Variants in LCA5 observed in about 807,000 individuals in gnomAD.
LCA5 encodes the protein lebercilin LCA5, also known as lebercilin.
LCA5 carries 37 observed loss-of-function variants against 53.0 expected under a neutral mutation model. That is an observed-to-expected ratio of 0.70 (90% CI 0.54 to 0.92). LCA5 has a LOEUF of 0.92. Ranked by LOEUF, LCA5 falls within the 40% of genes least tolerant of loss-of-function variation. The pLI is 0.00. For synonymous variants in LCA5, 303 were observed against 282.9 expected (o/e 1.07, Z -0.71); for missense variants, 806 against 790.5 (o/e 1.02, Z -0.23).
At chr6:79,514,841 AAC>A (rs994685949) in intron 2 of LCA5, among the ~76,000 whole-genome samples, 20 of 152,014 alleles carry the variant, frequency 1.3e-4, no homozygotes, top group African/African-American at 4.6e-4. Flanking sequence ...AGGGGAACAA[AAC>A]ACACTGGGGC....
intron 1 of LCA5, among the ~76,000 whole-genome samples, chr6:79,536,485 T>C (rs1582662374): frequency 6.6e-6 from 1 of 152,230 alleles, no homozygotes; most frequent in Non-Finnish European, 1.5e-5. Flanking sequence ...CTCTTCACTG[T>C]TAAACACTAT....
At chr6:79,494,283 C>T (rs555167875) in intron 3 of LCA5, among the ~76,000 whole-genome samples, 6 of 151,928 alleles carry the variant, frequency 3.9e-5, no homozygotes, top group African/African-American at 7.3e-5. Context: ...AAATAAGATA[C>T]CAAGACAGAT....
At chr6:79,529,824 T>C (rs144907652) in intron 1 of LCA5, among the ~76,000 whole-genome samples, 5 of 151,750 alleles carry the variant, frequency 3.3e-5, no homozygotes, top group Non-Finnish European at 5.9e-5. Flanking sequence ...TGAAGGTGGA[T>C]ACCATCATTC....
chr6:79,498,903 T>A (rs1489031185), intron 3 of LCA5, among the ~76,000 whole-genome samples: 1 of 152,080 alleles, frequency 6.6e-6, no homozygotes, highest in Non-Finnish European at 1.5e-5. Flanking sequence ...TTGATGAGAT[T>A]TTTTTATAAT....
chr6:79,514,167 AT>A (rs1766356477), intron 2 of LCA5, among the ~76,000 whole-genome samples: 1 of 152,142 alleles, frequency 6.6e-6, no homozygotes, highest in Non-Finnish European at 1.5e-5. Context: ...ATTATTTCAA[AT>A]GTGAAAATGT....
rs757985550 is a variant in LCA5 at position 79,487,675 on chromosome 6, C to A, written c.1423G>T (p.Asp475Tyr). ...EMLLAKLNEI[D>Y]RELQDSRNLK... ...TTTCGAGAATCTTGGAGTTCTCTGT[C>A]AATTTCATTCAGTTTAGCAAGTAGC... is the stretch of plus-strand genomic sequence containing the variant. The change falls in exon 8 of 8, where the codon GAC (aspartate) becomes TAC (tyrosine). Residue 475 changes from aspartate to tyrosine, a missense_variant. Coordinates refer to ENST00000369846, the MANE Select transcript of LCA5 (RefSeq NM_001122769.3). 1 of 1,613,846 alleles carries A rather than the reference C, an allele frequency of 6.2e-7. No individual in the cohort carries two copies. Among genetic ancestry groups the A allele is most frequent in the South Asian group, 1.1e-5 (1 of 91,070 alleles).
chr6:79,485,410 A>G lies in LCA5; in HGVS notation c.*1594T>C, dbSNP rs552096668. 6.5e-6 allele frequency: 1 copy of G among 152,742 alleles called. No individual in the cohort carries two copies. The highest frequency in any genetic ancestry group is 2.1e-4 in the South Asian group (1 of 4,824). 9.5% of individuals were successfully genotyped at this position (152,742 alleles called of 1,614,324 possible). ...CAAATAATATTGTTTTACATATATT[A>G]GAATGATTTGCAACATATTATAGTA... On this transcript the variant is annotated 3_prime_UTR_variant, in exon 8 of 8. Transcript: ENST00000369846.
chr6:79,524,901 T>C (rs1158768964), intron 1 of LCA5, among the ~76,000 whole-genome samples: 1 of 152,068 alleles, frequency 6.6e-6, no homozygotes, highest in Non-Finnish European at 1.5e-5. Flanking sequence ...ATAATTAACC[T>C]TTTTTTCATT....
intron 1 of LCA5, among the ~76,000 whole-genome samples, chr6:79,528,102 T>C (rs1217225808): frequency 6.6e-6 from 1 of 152,152 alleles, no homozygotes; most frequent in South Asian, 2.1e-4. Flanking sequence ...GTGGTTCCAT[T>C]TCCTCTAGGA....
intron 2 of LCA5, among the ~76,000 whole-genome samples, chr6:79,515,163 A>G (rs1766390302): frequency 6.6e-6 from 1 of 152,188 alleles, no homozygotes; most frequent in Non-Finnish European, 1.5e-5. Flanking sequence ...GGACAATTCA[A>G]TCAAACCTTT....
At chr6:79,537,495 C>T (rs1582663968), upstream of LCA5, 2 of 152,414 alleles carry the variant, frequency 1.3e-5, no homozygotes, top group East Asian at 3.9e-4. Flanking sequence ...CTTCTGTCTC[C>T]AGACGGCCCT....
In LCA5 at chr6:79,531,340, G is replaced by A. The variant is rs189932435; in HGVS notation, c.-192+5825C>T. On this transcript the variant is annotated intron_variant, in intron 1 of 7. Coordinates refer to ENST00000369846, the MANE Select transcript of LCA5 (RefSeq NM_001122769.3). ...TACCTCTCAATGTCAAGGATTGTGC[G>A]TCTGCAATTGTGCCCTCTCTACAGG... 1.2e-4 allele frequency among the ~76,000 whole-genome samples: 19 copies of A among 152,160 alleles called. No individual in the cohort carries two copies. The East Asian group carries it at 2.1e-3, about 17-fold the overall frequency.
At chr6:79,508,145 A>G (rs958567481) in intron 3 of LCA5, among the ~76,000 whole-genome samples, 2 of 152,186 alleles carry the variant, frequency 1.3e-5, no homozygotes, top group Non-Finnish European at 2.9e-5. Context: ...TACGGAGCTC[A>G]GGAAGTTTAA....
At chr6:79,516,421 C>T (rs564031051) in intron 2 of LCA5, among the ~76,000 whole-genome samples, 55 of 151,660 alleles carry the variant, frequency 3.6e-4, no homozygotes, top group Non-Finnish European at 6.1e-4. Context: ...AAAATTATAC[C>T]GCTCATAAAA....
At chr6:79,507,115 C>T (rs777103616) in intron 3 of LCA5, among the ~76,000 whole-genome samples, 1 of 152,096 alleles carries the variant, frequency 6.6e-6, no homozygotes, top group Non-Finnish European at 1.5e-5. Context: ...GTGTGAGGCT[C>T]AATTTTCTTC....
intron 3 of LCA5, among the ~76,000 whole-genome samples, chr6:79,509,609 A>G (rs1417508769): frequency 6.6e-6 from 1 of 152,180 alleles, no homozygotes; most frequent in Non-Finnish European, 1.5e-5. Context: ...TTGGGAGTAA[A>G]TTTATAAAAC....
At chr6:79,497,956 C>CAAAAAAA (rs34167121) in intron 3 of LCA5, among the ~76,000 whole-genome samples, 1 of 92,776 alleles carries the variant, frequency 1.1e-5, no homozygotes, top group African/African-American at 3.8e-5. Context: ...GACTCCATCT[C>CAAAAAAA]AAAAAAAAAA....
chr6:79,509,804 T>C (rs1482905924), intron 3 of LCA5, among the ~76,000 whole-genome samples: 1 of 152,138 alleles, frequency 6.6e-6, no homozygotes. Context: ...CTAAAACATA[T>C]ACAGATTTGT....
chr6:79,534,881 C>A (rs1767065003), intron 1 of LCA5, among the ~76,000 whole-genome samples: 1 of 152,138 alleles, frequency 6.6e-6, no homozygotes, highest in African/African-American at 2.4e-5. Flanking sequence ...TACTTTACAA[C>A]TGTGCTGTCC....
Sources: allele counts gnomAD v4.1 joint callset (sites outside exome capture counted in the v4.1 genomes callset), GRCh38; gene constraint gnomAD v4.1.1; transcripts MANE v1.5; gene names NCBI Gene and HGNC (gene_info 2026-07-23, HGNC 2026-07-21).